Variants in IQCF3 observed in about 807,000 individuals in gnomAD.
IQCF3 encodes the protein IQ domain-containing protein F3.
IQCF3 carries 7 observed loss-of-function variants against 5.1 expected under a neutral mutation model. The observed-to-expected ratio is 1.36, with a 90% CI of 0.78 to 2.56. The LOEUF (loss-of-function observed/expected upper bound fraction) is 2.56, where lower values mean the gene tolerates loss of function less well. IQCF3 is among the 30% of genes most tolerant of loss of function. IQCF3 has a pLI of 0.00. For missense variants in IQCF3, 189 were observed against 196.5 expected (o/e 0.96, Z 0.23); for synonymous variants, 82 against 72.8 (o/e 1.13, Z -0.64).
chr3:51,827,320 T>A (rs180865387), upstream of IQCF3: 1 of 152,276 alleles, frequency 6.6e-6, no homozygotes, highest in East Asian at 1.9e-4. Flanking sequence ...AACAGGTAAA[T>A]CTTCACTTCA....
At chr3:51,828,991 C>T (rs979138140), upstream of IQCF3, among the ~76,000 whole-genome samples, 9 of 152,142 alleles carry the variant, frequency 5.9e-5, no homozygotes, top group African/African-American at 2.2e-4. Flanking sequence ...TCCGTGGTAA[C>T]ATCCCCTTTG....
In IQCF3 at chr3:51,829,731, G is replaced by A. The variant is rs776449962; in HGVS notation, c.66+19G>A. The A allele has an allele frequency of 6.2e-7, 1 of 1,611,720 alleles. No individual in the cohort carries two copies. The highest frequency in any genetic ancestry group is 2.2e-5 in the East Asian group (1 of 44,886). On this transcript the variant is annotated intron_variant, in intron 2 of 2. Coordinates refer to ENST00000440739, the MANE Select transcript of IQCF3 (RefSeq NM_001393887.1). ...GCAGAAGGTAGGTGGGGCCCAGGAG[G>A]GTGAGAGAATTGCAGATCATTGACT... is the stretch of plus-strand genomic sequence containing the variant.
chr3:51,827,639 G>T (rs1698305781), upstream of IQCF3, among the ~76,000 whole-genome samples: 1 of 151,488 alleles, frequency 6.6e-6, no homozygotes, highest in Non-Finnish European at 1.5e-5. Flanking sequence ...TTTTTTGTTG[G>T]TGGTTTTTAG....
chr3:51,830,187 C>T lies in IQCF3; in HGVS notation c.67-216C>T, dbSNP rs554848649. ...AGTGTCTCCGCTAGTCCCATAAACC[C>T]GAGAAGTCCACAGATCAAACATATC... On this transcript the variant is annotated intron_variant, in intron 2 of 2. Transcript: ENST00000440739. The surrounding 1 kb of genome is among the most constrained non-coding windows in gnomAD (Gnocchi z 4.1). 1.2e-4 allele frequency among the ~76,000 whole-genome samples: 19 copies of T among 152,132 alleles called. No individual in the cohort carries two copies. The highest frequency in any genetic ancestry group is 2.1e-4 in the South Asian group (1 of 4,824).
Position 51,830,792 on chromosome 3 carries a change from A to G in IQCF3, c.456A>G (p.Leu152=), listed in dbSNP as rs376480357. The part of the protein sequence containing the change: ...SKQPEFHIEI[L]SI ...AGCCAGAGTTCCACATTGAAATCCT[A>G]TCAATCTGAAAGGCCTGGGGCATGG... Residue 152 remains leucine (L), a synonymous_variant, in exon 3 of 3, where the codon CTA becomes CTG. Transcript: ENST00000440739. The surrounding 1 kb of genome is among the most constrained non-coding windows in gnomAD (Gnocchi z 4.1). 2.5e-6 allele frequency: 4 copies of G among 1,575,062 alleles called. No individual in the cohort carries two copies. The highest frequency in any genetic ancestry group is 1.7e-5 in the Admixed American group (1 of 57,332).
rs767555727 is a variant in IQCF3, at chr3:51,830,473, G to A, written c.137G>A (p.Gly46Glu). The A allele has an allele frequency of 3.1e-6, 5 of 1,608,196 alleles. No homozygotes were observed. The highest frequency in any genetic ancestry group is 4.2e-6 in the Non-Finnish European group (5 of 1,177,440). The change falls in exon 3 of 3, where the codon GGG becomes GAG. Residue 46 changes from glycine (G) to glutamate (E), a missense_variant. Physicochemically the swap from Gly to Glu is moderately conservative, Grantham distance 98. Coordinates refer to ENST00000440739, the MANE Select transcript of IQCF3 (RefSeq NM_001393887.1). This position sits in a 1 kb window ranked among gnomAD's most constrained non-coding sequence, Gnocchi z 4.1. ...AAGQIQAWWR[G>E]VLVRRTLLVA... ...GGGCAGATCCAGGCCTGGTGGCGTG[G>A]GGTCCTGGTGCGCAGGACCCTGCTG...
Position 51,830,176 on chromosome 3 carries a change from T to A in IQCF3, c.67-227T>A, listed in dbSNP as rs578157164. ...CTGGACCAGAAAGTGTCTCCGCTAG[T>A]CCCATAAACCCGAGAAGTCCACAGA... On this transcript the variant is annotated intron_variant, in intron 2 of 2. Coordinates refer to ENST00000440739, the MANE Select transcript of IQCF3 (RefSeq NM_001393887.1). This position sits in a 1 kb window ranked among gnomAD's most constrained non-coding sequence, Gnocchi z 4.1. Among the ~76,000 whole-genome samples the A allele has an allele frequency of 6.6e-6, 1 of 152,264 alleles. No homozygotes were observed. The highest frequency in any genetic ancestry group is 2.4e-5 in the African/African-American group (1 of 41,548).
Position 51,830,809 on chromosome 3 carries a change from G to A in IQCF3, c.*8G>A. 1.3e-6 allele frequency: 2 copies of A among 1,557,100 alleles called. No individual in the cohort carries two copies. The highest frequency in any genetic ancestry group is 1.7e-6 in the Non-Finnish European group (2 of 1,149,664). ...GAAATCCTATCAATCTGAAAGGCCT[G>A]GGGCATGGAGAACAGGCTGCACTAC... On this transcript the variant is annotated 3_prime_UTR_variant, in exon 3 of 3. Coordinates refer to ENST00000440739, the MANE Select transcript of IQCF3 (RefSeq NM_001393887.1). This position sits in a 1 kb window ranked among gnomAD's most constrained non-coding sequence, Gnocchi z 4.1.
chr3:51,829,479 G>A lies in IQCF3; in HGVS notation c.4G>A (p.Gly2Ser). M[G>S]SKCCKGGPDE... is the part of the protein sequence containing the mutation. Reference sequence around the variant, plus strand: ...ACCTGAACCACTGCTCCAAACCATGGGCAGTAAATGCTGTGTAAGACTCAG... The same window carrying A: ...ACCTGAACCACTGCTCCAAACCATGAGCAGTAAATGCTGTGTAAGACTCAG... The change falls in exon 1 of 3, where the codon GGC becomes AGC. Residue 2 changes from glycine to serine, a missense_variant. By Grantham distance (56) the Gly-to-Ser change is moderately conservative. Transcript: ENST00000440739. 3.1e-6 allele frequency: 5 copies of A among 1,598,474 alleles called. No individual in the cohort carries two copies. Among genetic ancestry groups the A allele is most frequent in the Non-Finnish European group, 4.3e-6 (5 of 1,172,596 alleles).
upstream of IQCF3, among the ~76,000 whole-genome samples, chr3:51,827,691 A>G (rs1424368480): frequency 6.6e-6 from 1 of 151,950 alleles, no homozygotes; most frequent in Non-Finnish European, 1.5e-5. Context: ...GTTCAGGGGT[A>G]TATGTGTAGG....
chr3:51,829,683 G>C lies in IQCF3; in HGVS notation c.37G>C (p.Asp13His). The C allele has an allele frequency of 1.2e-6, 2 of 1,613,892 alleles. No individual in the cohort carries two copies. The highest frequency in any genetic ancestry group is 1.7e-6 in the Non-Finnish European group (2 of 1,179,854). The change falls in exon 2 of 3, where the codon GAT becomes CAT. Residue 13 changes from aspartate to histidine, a missense_variant. Transcript: ENST00000440739. Reference sequence around the variant, plus strand: ...ATTGCAGAAAGGTGGTCCAGATGAAGATGCAGTAGAAAGACAGAGGCGGCA... The same window carrying C: ...ATTGCAGAAAGGTGGTCCAGATGAACATGCAGTAGAAAGACAGAGGCGGCA... ...SKCCKGGPDE[D>H]AVERQRRQKL...
In IQCF3 at chr3:51,830,263, A is replaced by T; in HGVS notation, c.67-140A>T. The T allele has an allele frequency of 1.2e-6, 1 of 822,160 alleles. No individual in the cohort carries two copies. The highest frequency in any genetic ancestry group is 1.9e-6 in the Non-Finnish European group (1 of 532,958). The allele number at this position is 822,160 out of a possible 1,614,324, so 50.9% of individuals were successfully genotyped here. A position where few individuals can be genotyped will look rare whatever the true frequency, so the allele number is the denominator to read the frequency against. ...GACTGTGAGGGTGTCCAGAGCCATG[A>T]ACAGGACAGAAGTAGAGGACAAACC... On this transcript the variant is annotated intron_variant, in intron 2 of 2. Coordinates refer to ENST00000440739, the MANE Select transcript of IQCF3 (RefSeq NM_001393887.1). The surrounding 1 kb of genome is among the most constrained non-coding windows in gnomAD (Gnocchi z 4.1).
At chr3:51,828,236 CCTTGT>C (rs1405180834), upstream of IQCF3, 1 of 152,040 alleles carries the variant, frequency 6.6e-6, no homozygotes, top group Non-Finnish European at 1.5e-5. Context: ...GAGAGGCCAT[CCTTGT>C]CTTGTGCCAG....
rs1257709058 is a variant in IQCF3, at chr3:51,829,433, A to G, written c.-43A>G. 2.5e-6 allele frequency: 4 copies of G among 1,584,726 alleles called. No homozygotes were observed. In the South Asian group the frequency reaches 3.5e-5, roughly 14 times the overall value. On this transcript the variant is annotated 5_prime_UTR_variant, in exon 1 of 3. Transcript: ENST00000440739. Reference sequence around the variant, plus strand: ...CCTGCCCCTGCCAAGATCAGGAAACAGCAACCAGAGGGAGATGATCACCTG... The same window carrying G: ...CCTGCCCCTGCCAAGATCAGGAAACGGCAACCAGAGGGAGATGATCACCTG...
Position 51,829,697 on chromosome 3 carries a change from A to T in IQCF3, c.51A>T (p.Arg17Ser), listed in dbSNP as rs751657014. Residue 17 changes from arginine to serine, a missense_variant, in exon 2 of 3, where the codon AGA (arginine) becomes AGT (serine). Coordinates refer to ENST00000440739, the MANE Select transcript of IQCF3 (RefSeq NM_001393887.1). The stretch of plus-strand genomic sequence containing the variant: ...GTCCAGATGAAGATGCAGTAGAAAG[A>T]CAGAGGCGGCAGAAGGTAGGTGGGG... ...KGGPDEDAVE[R>S]QRRQKLLLAQ... The T allele has an allele frequency of 6.2e-7, 1 of 1,613,834 alleles. No individual in the cohort carries two copies. The highest frequency in any genetic ancestry group is 8.5e-7 in the Non-Finnish European group (1 of 1,179,846).
Position 51,829,676 on chromosome 3 carries a change from A to C in IQCF3, c.30A>C (p.Pro10=), listed in dbSNP as rs371679655. 85 of 1,613,894 alleles carry C rather than the reference A, an allele frequency of 5.3e-5. No homozygotes were observed. In the African/African-American group the frequency reaches 1.1e-3, roughly 20 times the overall value. The change falls in exon 2 of 3, where the codon CCA becomes CCC. Residue 10 remains proline (P), a synonymous_variant. Transcript: ENST00000440739. The part of the protein sequence containing the change: MGSKCCKGG[P]DEDAVERQRR... ...TATTCCGATTGCAGAAAGGTGGTCC[A>C]GATGAAGATGCAGTAGAAAGACAGA... is the stretch of plus-strand genomic sequence containing the variant.
rs201305590 is a variant in IQCF3, at chr3:51,829,696, G to T, written c.50G>T (p.Arg17Ile). The change falls in exon 2 of 3, where the codon AGA (arginine) becomes ATA (isoleucine). Residue 17 changes from arginine to isoleucine, a missense_variant. By Grantham distance (97) the Arg-to-Ile change is moderately conservative (BLOSUM62 -3). Transcript: ENST00000440739. ...KGGPDEDAVERQRRQKLLLAQ... is the reference protein window; with the variant it reads ...KGGPDEDAVEIQRRQKLLLAQ... ...GGTCCAGATGAAGATGCAGTAGAAA[G>T]ACAGAGGCGGCAGAAGGTAGGTGGG... 1.8e-3 allele frequency: 2,897 copies of T among 1,613,874 alleles called. 34 individuals carry two copies. The highest frequency in any genetic ancestry group is 0.017 in the South Asian group (1,531 of 90,984).
At position 51,829,645 on chromosome 3, in the gene IQCF3, C is replaced by T. The variant is rs776009035; in HGVS notation, c.19-20C>T. On this transcript the variant is annotated intron_variant, in intron 1 of 2. Transcript: ENST00000440739. ...GCTGGTCCTCACCCATGCTCCCCCA[C>T]ACCCATATTCCGATTGCAGAAAGGT... is the stretch of plus-strand genomic sequence containing the variant. The T allele has an allele frequency of 2.5e-6, 4 of 1,613,032 alleles. No homozygotes were observed. The highest frequency in any genetic ancestry group is 3.4e-6 in the Non-Finnish European group (4 of 1,179,662).
At chr3:51,829,598 C>A in intron 1 of IQCF3, 67 bp from the exon 2 acceptor site, 6 of 1,598,170 alleles carry the variant, frequency 3.8e-6, no homozygotes, top group Non-Finnish European at 5.1e-6. Flanking sequence ...GGGAACTGGG[C>A]CTGTGGGGAC....
Sources: allele counts gnomAD v4.1 joint callset (sites outside exome capture counted in the v4.1 genomes callset), GRCh38; gene constraint gnomAD v4.1.1; non-coding constraint Gnocchi (gnomAD v3.1); transcripts MANE v1.5; gene names NCBI Gene and HGNC (gene_info 2026-07-23, HGNC 2026-07-21).